The following PPM1E variants were observed in gnomAD, a reference collection of about 807,000 sequenced individuals.
PPM1E encodes protein phosphatase 1E.
Under a neutral mutation model 65.9 loss-of-function variants are expected in PPM1E, and 20 were observed. That is an observed-to-expected ratio of 0.30 (90% CI 0.21 to 0.44). The LOEUF (loss-of-function observed/expected upper bound fraction) is 0.44, where lower values mean the gene tolerates loss of function less well. PPM1E is among the 20% of genes least tolerant of loss of function. The pLI is 1.00. For missense variants in PPM1E, 713 were observed against 953.1 expected, an observed-to-expected ratio of 0.75 and a Z score of 3.32; for synonymous variants, 352 against 374.9, an observed-to-expected ratio of 0.94 and a Z score of 0.70.
chr17:58,805,976 AAAAAAAAACAAAAC>A (rs1567838856), intron 1 of PPM1E, among the ~76,000 whole-genome samples: 27 of 109,340 alleles, frequency 2.5e-4, no homozygotes, highest in African/African-American at 9.1e-4. Flanking sequence ...AAAAAAAACA[AAAAAAAAACAAAAC>A]AAAACAAAAC....
intron 1 of PPM1E, among the ~76,000 whole-genome samples, chr17:58,948,160 A>G (rs1440950293): frequency 2.0e-5 from 3 of 152,142 alleles, no homozygotes; most frequent in Non-Finnish European, 2.9e-5. Context: ...AGTAGTCACC[A>G]CACCTCACCC....
At chr17:58,856,207 G>A (rs1177104872) in intron 1 of PPM1E, among the ~76,000 whole-genome samples, 1 of 151,946 alleles carries the variant, frequency 6.6e-6, no homozygotes, top group Non-Finnish European at 1.5e-5. Flanking sequence ...CTTGAGTTCT[G>A]TATTCTAATG....
intron 1 of PPM1E, among the ~76,000 whole-genome samples, chr17:58,824,513 T>A (rs1203194207): frequency 6.6e-6 from 1 of 152,118 alleles, no homozygotes; most frequent in East Asian, 1.9e-4. Flanking sequence ...AGGATTCAGG[T>A]GTAAAAGCTT....
intron 3 of PPM1E, among the ~76,000 whole-genome samples, chr17:58,966,916 T>C (rs958797912): frequency 5.3e-5 from 8 of 152,206 alleles, no homozygotes; most frequent in African/African-American, 1.9e-4. Flanking sequence ...GTTATAAAGA[T>C]AGATCAGCTG....
At chr17:58,766,593 ATATG>A (rs1017865571) in intron 1 of PPM1E, among the ~76,000 whole-genome samples, 1 of 132,784 alleles carries the variant, frequency 7.5e-6, no homozygotes, top group Non-Finnish European at 1.6e-5. Flanking sequence ...ATATTGTACT[ATATG>A]TGTGTGTATA....
intron 1 of PPM1E, among the ~76,000 whole-genome samples, chr17:58,920,948 G>A (rs1012298434): frequency 1.3e-5 from 2 of 152,184 alleles, no homozygotes; most frequent in African/African-American, 4.8e-5. Flanking sequence ...TAATGAAGTA[G>A]AAAGAGAACC....
intron 1 of PPM1E, among the ~76,000 whole-genome samples, chr17:58,853,031 G>A (rs1360193934): frequency 6.6e-6 from 1 of 152,114 alleles, no homozygotes; most frequent in Non-Finnish European, 1.5e-5. Flanking sequence ...TTGCAAATAT[G>A]TTCTCTCATT....
intron 1 of PPM1E, among the ~76,000 whole-genome samples, chr17:58,855,050 G>A (rs112473468): frequency 2.0e-5 from 3 of 152,120 alleles, no homozygotes; most frequent in East Asian, 3.9e-4. Context: ...AACTCTGAGA[G>A]TTAACCCAGT....
In PPM1E at chr17:58,983,374, G is replaced by C. The variant is rs1339620382; in HGVS notation, c.*2343G>C. The C allele has an allele frequency of 6.5e-6, 1 of 154,922 alleles. No individual in the cohort carries two copies. Among genetic ancestry groups the C allele is most frequent in the African/African-American group, 2.4e-5 (1 of 41,454 alleles). The allele number at this position is 154,922 out of a possible 1,614,324, so 9.6% of individuals were successfully genotyped here. A position where few individuals can be genotyped will look rare whatever the true frequency, so the allele number is the denominator to read the frequency against. On this transcript the variant is annotated 3_prime_UTR_variant, in exon 7 of 7. Transcript: ENST00000308249. ...TTCTATAATACATACTAAAATAGTG[G>C]TTATTGGTCTGATATATGCTGCTCT...
chr17:58,776,733 A>T (rs924925911), intron 1 of PPM1E, among the ~76,000 whole-genome samples: 8 of 152,220 alleles, frequency 5.3e-5, no homozygotes, highest in African/African-American at 1.9e-4. Context: ...TTAATATGTA[A>T]ATTATGTTTA....
intron 1 of PPM1E, among the ~76,000 whole-genome samples, chr17:58,824,413 G>A (rs984613744): frequency 2.0e-5 from 3 of 151,964 alleles, no homozygotes; most frequent in Non-Finnish European, 2.9e-5. Context: ...TTATAATTTT[G>A]TGTACTCAAA....
chr17:58,845,496 A>G (rs758007000), intron 1 of PPM1E, among the ~76,000 whole-genome samples: 3 of 151,888 alleles, frequency 2.0e-5, no homozygotes, highest in Non-Finnish European at 4.4e-5. Context: ...GTAACTTCTC[A>G]TTCCTTCCTC....
intron 1 of PPM1E, among the ~76,000 whole-genome samples, chr17:58,863,321 A>G (rs2050962453): frequency 6.6e-6 from 1 of 152,142 alleles, no homozygotes; most frequent in Admixed American, 6.6e-5. Context: ...TGAGCCCTTC[A>G]TGGGAGTGGG....
intron 1 of PPM1E, among the ~76,000 whole-genome samples, chr17:58,952,840 A>T (rs1033943675): frequency 1.7e-4 from 26 of 151,662 alleles, no homozygotes; most frequent in Non-Finnish European, 1.5e-5. Flanking sequence ...CACCCAGCTA[A>T]TTTTTTTGTA....
At chr17:58,842,059 C>T (rs1317532689) in intron 1 of PPM1E, among the ~76,000 whole-genome samples, 4 of 152,172 alleles carry the variant, frequency 2.6e-5, no homozygotes, top group Non-Finnish European at 5.9e-5. Context: ...GTAGGCTGGT[C>T]TCAAACTCCT....
intron 1 of PPM1E, among the ~76,000 whole-genome samples, chr17:58,839,788 A>G (rs924085791): frequency 6.6e-6 from 1 of 152,200 alleles, no homozygotes; most frequent in Non-Finnish European, 1.5e-5. Flanking sequence ...AGAATGACCC[A>G]TGTGGTAATG....
chr17:58,801,173 T>A (rs1207627206), intron 1 of PPM1E, among the ~76,000 whole-genome samples: 2 of 152,160 alleles, frequency 1.3e-5, no homozygotes, highest in Non-Finnish European at 2.9e-5. Context: ...GTTGATTAGG[T>A]CATGTTGGTT....
chr17:58,834,133 T>C (rs1394114154), intron 1 of PPM1E, among the ~76,000 whole-genome samples: 6 of 152,180 alleles, frequency 3.9e-5, no homozygotes, highest in African/African-American at 1.4e-4. Flanking sequence ...GATGTAGGGT[T>C]TTTTGTTTGT....
At chr17:58,899,878 T>TA (rs2051476928) in intron 1 of PPM1E, among the ~76,000 whole-genome samples, 1 of 151,992 alleles carries the variant, frequency 6.6e-6, no homozygotes, top group Admixed American at 6.6e-5. Context: ...AATAGCAAGA[T>TA]AACTAAAAGA....
Sources: gnomAD v4.1 joint callset for allele counts (sites outside exome capture counted in the v4.1 genomes callset) on GRCh38, gnomAD v4.1.1 for gene constraint, MANE v1.5 for transcripts, NCBI Gene and HGNC (gene_info 2026-07-23, HGNC 2026-07-21) for gene names.